The following OGT variants were observed in gnomAD, a reference collection of about 807,000 sequenced individuals.
OGT encodes the protein O-linked N-acetylglucosamine (GlcNAc) transferase.
A neutral mutation model predicts 75.8 loss-of-function variants in OGT; 3 were observed. That is an observed-to-expected ratio of 0.04 (90% CI 0.02 to 0.10). The LOEUF (loss-of-function observed/expected upper bound fraction) is 0.10, where lower values mean the gene tolerates loss of function less well. Among genes scored for constraint, OGT ranks in the 10% least tolerant of loss-of-function variants. OGT has a pLI of 1.00. For synonymous variants in OGT, 257 were observed against 289.7 expected (o/e 0.89, Z 1.15); for missense variants, 260 against 824.4 (o/e 0.32, Z 8.38).
At chrX:71,548,114 A>G in intron 5 of OGT, 91 bp downstream of exon 5, 1 of 898,686 alleles carries the variant, frequency 1.1e-6, no homozygotes, top group Non-Finnish European at 1.6e-6. Flanking sequence ...AGCCAGTGAC[A>G]TTATATCTTT....
chrX:71,547,836 TCCCTTTACAAA>T, intron 4 of OGT, 60 bp from the exon 5 acceptor site: 2 of 1,134,402 alleles, frequency 1.8e-6, no homozygotes, highest in South Asian at 2.1e-5. Context: ...CTTTTTTTTT[TCCCTTTACAAA>T]TTTTCCCCTT....
intron 7 of OGT, among the ~76,000 whole-genome samples, chrX:71,555,611 C>T (rs2040337434): frequency 8.9e-6 from 1 of 111,784 alleles, no homozygotes; most frequent in Admixed American, 9.5e-5. Context: ...AGTCCCAGCT[C>T]CTTGGGAGGC....
chrX:71,560,393 G>C (rs766258030), intron 14 of OGT, among the ~76,000 whole-genome samples: 23 of 110,745 alleles, frequency 2.1e-4, no homozygotes, highest in African/African-American at 7.5e-4. Context: ...CTCTAGGAGA[G>C]TAAGTTTTAT....
intron 15 of OGT, among the ~76,000 whole-genome samples, chrX:71,562,447 A>G (rs758513258): frequency 8.9e-6 from 1 of 112,780 alleles, no homozygotes; most frequent in South Asian, 3.7e-4. Context: ...CCCAGGTGAC[A>G]GAGTAAGAGT....
intron 4 of OGT, chrX:71,547,619 C>T (rs763518100): frequency 1.1e-6 from 1 of 941,970 alleles, no homozygotes; most frequent in African/African-American, 2.0e-5. Flanking sequence ...CAACTGACTT[C>T]CCAGTTAAGT....
intron 21 of OGT, among the ~76,000 whole-genome samples, chrX:71,570,697 A>G (rs966296299): frequency 9.0e-6 from 1 of 110,704 alleles, no homozygotes; most frequent in African/African-American, 3.3e-5. Context: ...TCCATAGAAC[A>G]TCACATACGT....
chrX:71,571,410 T>C (rs2040457483), intron 21 of OGT, among the ~76,000 whole-genome samples: 1 of 112,067 alleles, frequency 8.9e-6, no homozygotes, highest in South Asian at 3.7e-4. Context: ...AGTACACATA[T>C]ATTTTTTTGA....
At chrX:71,566,634 C>T (rs777194714) in intron 19 of OGT, among the ~76,000 whole-genome samples, 1 of 111,995 alleles carries the variant, frequency 8.9e-6, no homozygotes, top group African/African-American at 3.2e-5. Context: ...ATGGGAACTG[C>T]AGTTCAAGAA....
intron 3 of OGT, among the ~76,000 whole-genome samples, chrX:71,543,649 T>G (rs1172551268): frequency 9.1e-6 from 1 of 109,321 alleles, no homozygotes; most frequent in Non-Finnish European, 1.9e-5. Flanking sequence ...TAAATATGTT[T>G]TTTTCCACTC....
intron 2 of OGT, 120 bp downstream of exon 2, chrX:71,536,478 C>G: frequency 1.9e-6 from 1 of 522,608 alleles, no homozygotes. Flanking sequence ...GAGCCGCCAA[C>G]GCACATCTGC....
At chrX:71,561,234 C>T (rs918221534) in intron 14 of OGT, among the ~76,000 whole-genome samples, 2 of 110,741 alleles carry the variant, frequency 1.8e-5, no homozygotes, top group African/African-American at 6.6e-5. Flanking sequence ...GGCCTACTCA[C>T]CATTTTCTAA....
At chrX:71,562,171 T>C (rs760572096) in intron 15 of OGT, among the ~76,000 whole-genome samples, 29 of 112,650 alleles carry the variant, frequency 2.6e-4, no homozygotes, top group African/African-American at 9.0e-4. Flanking sequence ...TGAAAGTTAG[T>C]CTGAAATACA....
intron 21 of OGT, among the ~76,000 whole-genome samples, chrX:71,568,861 A>C (rs1414129837): frequency 2.9e-5 from 3 of 103,095 alleles, no homozygotes; most frequent in African/African-American, 1.1e-4. Flanking sequence ...CAAACAAACA[A>C]AAAAAAAACC....
chrX:71,569,172 C>T (rs951454252), intron 21 of OGT, among the ~76,000 whole-genome samples: 1 of 110,949 alleles, frequency 9.0e-6, no homozygotes, highest in East Asian at 2.9e-4. Context: ...ACTAAAAATA[C>T]AAAAAATTAG....
chrX:71,552,564 A>G (rs2040313358), intron 5 of OGT, among the ~76,000 whole-genome samples: 1 of 109,614 alleles, frequency 9.1e-6, no homozygotes, highest in Non-Finnish European at 1.9e-5. Flanking sequence ...AGCTTTTTGT[A>G]TTTTTAGTGG....
Position 71,537,888 on chromosome X carries a change from C to T in OGT, c.278C>T (p.Ser93Leu). The part of the protein sequence containing the change: ...KQNPLLAEAY[S>L]NLGNVYKERG... ...AACCCCCTTCTGGCAGAAGCTTATT[C>T]GAATTTGGGGAATGTGTACAAGGAA... The change falls in exon 3 of 22, where the codon TCG becomes TTG. Residue 93 changes from serine (S) to leucine (L), a missense_variant. Ser to Leu is a moderately radical substitution (Grantham distance 145). This residue lies in a region of OGT where 38 missense variants were observed against 117.1 expected (regional missense o/e 0.32). Transcript: ENST00000373719. 1 of 1,211,638 alleles carries T rather than the reference C, an allele frequency of 8.3e-7. No individual in the cohort carries two copies. Among genetic ancestry groups the T allele is most frequent in the Non-Finnish European group, 1.1e-6 (1 of 895,324 alleles).
intron 19 of OGT, among the ~76,000 whole-genome samples, chrX:71,566,785 T>C (rs1363591760): frequency 8.9e-6 from 1 of 112,645 alleles, no homozygotes; most frequent in Non-Finnish European, 1.9e-5. Flanking sequence ...AGGGTGTTAA[T>C]GTGATACATA....
intron 4 of OGT, chrX:71,547,402 C>T: frequency 4.3e-6 from 3 of 701,035 alleles, no homozygotes; most frequent in Non-Finnish European, 5.1e-6. Flanking sequence ...TAGGGAAGTC[C>T]AGTAAAGAAA....
chrX:71,571,889 C>T (rs1209945700), intron 21 of OGT, among the ~76,000 whole-genome samples: 2 of 109,884 alleles, frequency 1.8e-5, no homozygotes, highest in Non-Finnish European at 1.9e-5. Flanking sequence ...CCTGCCTCAG[C>T]CTCTTGAGTA....
Sources: allele counts gnomAD v4.1 joint callset (sites outside exome capture counted in the v4.1 genomes callset), GRCh38; gene constraint gnomAD v4.1.1; regional missense constraint gnomAD v4.1.1; transcripts MANE v1.5; gene names NCBI Gene and HGNC (gene_info 2026-07-23, HGNC 2026-07-21).